The following NSD1 variants were observed in gnomAD, a reference collection of about 807,000 sequenced individuals.
The protein encoded by NSD1 is nuclear receptor binding SET domain protein 1, also known as histone-lysine N-methyltransferase, H3 lysine-36 specific.
NSD1 carries 26 observed loss-of-function variants against 242.7 expected under a neutral mutation model. That is an observed-to-expected ratio of 0.11 (90% CI 0.08 to 0.15). NSD1 has a LOEUF of 0.15. NSD1 is among the 10% of genes least tolerant of loss of function. NSD1 has a pLI of 1.00. For synonymous variants in NSD1, 1,106 were observed against 1,178.1 expected (o/e 0.94, Z 1.25); for missense variants, 2,495 against 3,272.8 (o/e 0.76, Z 5.80).
intron 14 of NSD1, chr5:177,266,567 T>A: frequency 1.5e-6 from 1 of 687,138 alleles, no homozygotes; most frequent in Non-Finnish European, 2.2e-6. Flanking sequence ...ATGATGCAGT[T>A]CACGACCTCG....
chr5:177,149,841 T>C (rs2149775191), intron 2 of NSD1, among the ~76,000 whole-genome samples: 1 of 152,292 alleles, frequency 6.6e-6, no homozygotes, highest in East Asian at 1.9e-4. Flanking sequence ...CCTAACAGGC[T>C]GAGAGGACCA....
intron 3 of NSD1, among the ~76,000 whole-genome samples, chr5:177,199,076 T>G (rs1259682619): frequency 6.6e-6 from 1 of 152,236 alleles, no homozygotes; most frequent in African/African-American, 2.4e-5. Context: ...GAAATGGTAC[T>G]TCAAGTTACC....
chr5:177,137,190 A>G (rs1756409685), intron 2 of NSD1: 1 of 341,784 alleles, frequency 2.9e-6, no homozygotes, highest in Non-Finnish European at 5.2e-6. Flanking sequence ...AAATTCCAGA[A>G]GTTCTTGATT....
chr5:177,182,947 GTTTT>G (rs201520603), intron 2 of NSD1, among the ~76,000 whole-genome samples: 1 of 151,944 alleles, frequency 6.6e-6, no homozygotes, highest in East Asian at 1.9e-4. Context: ...CTCTTTTTTT[GTTTT>G]TTTAAGTAAA....
In NSD1 at chr5:177,270,372, G is replaced by A. The variant is rs756090583; in HGVS notation, c.5509+565G>A. On this transcript the variant is annotated intron_variant, in intron 16 of 22. Coordinates refer to ENST00000439151, the MANE Select transcript of NSD1 (RefSeq NM_022455.5). Reference sequence around the variant, plus strand: ...AGGTGGTCCAATCAACTTCGAACCCGGTTTTCTCTTACCATGTAATGGAGA... The same window carrying A: ...AGGTGGTCCAATCAACTTCGAACCCAGTTTTCTCTTACCATGTAATGGAGA... 5.9e-5 allele frequency among the ~76,000 whole-genome samples: 9 copies of A among 152,098 alleles called. 1 individual carries two copies. The highest frequency in any genetic ancestry group is 1.9e-4 in the East Asian group (1 of 5,200).
intron 3 of NSD1, among the ~76,000 whole-genome samples, chr5:177,200,010 A>G (rs2149831673): frequency 6.6e-6 from 1 of 152,334 alleles, no homozygotes; most frequent in East Asian, 1.9e-4. Context: ...CGTTTCCACT[A>G]GGAATGCATT....
chr5:177,137,202 C>G, intron 2 of NSD1: 1 of 325,778 alleles, frequency 3.1e-6, no homozygotes, highest in Middle Eastern at 8.3e-4. Context: ...TTCTTGATTG[C>G]TATAAGATTC....
intron 12 of NSD1, among the ~76,000 whole-genome samples, chr5:177,256,651 C>T (rs142411915): frequency 8.5e-5 from 13 of 152,334 alleles, no homozygotes; most frequent in Non-Finnish European, 1.3e-4. Context: ...TCCATATTTC[C>T]TGTAAACTTG....
At chr5:177,220,875 T>C (rs1481393728) in intron 5 of NSD1, 5 of 331,978 alleles carry the variant, frequency 1.5e-5, no homozygotes, top group Admixed American at 8.5e-5. Context: ...TCGGCCTCTT[T>C]TTTTATGGAG....
chr5:177,220,839 G>A (rs979661767), intron 5 of NSD1, among the ~76,000 whole-genome samples: 5 of 151,884 alleles, frequency 3.3e-5, no homozygotes, highest in African/African-American at 1.2e-4. Context: ...TCAAAGTGCT[G>A]GGATTATGGT....
At chr5:177,271,608 G>T (rs1168600389) in intron 16 of NSD1, among the ~76,000 whole-genome samples, 5 of 152,162 alleles carry the variant, frequency 3.3e-5, no homozygotes, top group African/African-American at 1.2e-4. Context: ...CATCACATGT[G>T]AAAGCACGTG....
intron 13 of NSD1, among the ~76,000 whole-genome samples, 165 bp downstream of exon 13, chr5:177,257,316 C>T (rs886534524): frequency 3.3e-5 from 5 of 150,538 alleles, no homozygotes; most frequent in Non-Finnish European, 5.9e-5. Flanking sequence ...CTGCAAGCTC[C>T]GCCTCCTGGG....
chr5:177,279,968 A>G (rs1244847069), intron 17 of NSD1, among the ~76,000 whole-genome samples: 2 of 72,416 alleles, frequency 2.8e-5, no homozygotes, highest in Non-Finnish European at 8.5e-5. Flanking sequence ...TTCATATTTT[A>G]TTTTATTTTA....
chr5:177,209,341 A>G (rs774765067), intron 4 of NSD1, among the ~76,000 whole-genome samples: 10 of 151,810 alleles, frequency 6.6e-5, no homozygotes, highest in Non-Finnish European at 1.5e-4. Context: ...CAGCCTGGCC[A>G]ATATGGTGAA....
chr5:177,189,341 A>G (rs1761489606), intron 2 of NSD1, among the ~76,000 whole-genome samples: 1 of 152,144 alleles, frequency 6.6e-6, no homozygotes, highest in African/African-American at 2.4e-5. Context: ...TATTGTCTTT[A>G]CCTGATACCA....
At chr5:177,283,692 A>T in intron 19 of NSD1, 95 bp from the exon 20 acceptor site, 1 of 1,413,318 alleles carries the variant, frequency 7.1e-7, no homozygotes, top group Non-Finnish European at 1.0e-6. Flanking sequence ...AGTCTTTACA[A>T]ATAGAAACTC....
chr5:177,155,755 C>T (rs767252994), intron 2 of NSD1, among the ~76,000 whole-genome samples: 1 of 152,006 alleles, frequency 6.6e-6, no homozygotes, highest in Admixed American at 6.6e-5. Context: ...GACACAATCT[C>T]GGTTCACTGC....
rs1763212899 is a variant in NSD1, at chr5:177,210,092, C to T, written c.1693C>T (p.Pro565Ser). ...ANSLTGSNTA[P>S]GSFLFSSCGK... ...TAGCCTCACAGGGTCCAACACTGCC[C>T]CAGGAAGTTTTCTGTTTTCTTCCTG... Residue 565 changes from proline to serine, a missense_variant, in exon 5 of 23, where the codon CCA becomes TCA. Physicochemically the swap from Pro to Ser is moderately conservative, Grantham distance 74. Around this residue, in one of 19 missense-constraint regions of NSD1, gnomAD observed 515 missense variants for 467.0 expected, o/e 1.10. Coordinates refer to ENST00000439151, the MANE Select transcript of NSD1 (RefSeq NM_022455.5). 1 of 1,613,476 alleles carries T rather than the reference C, an allele frequency of 6.2e-7. No individual in the cohort carries two copies. The highest frequency in any genetic ancestry group is 8.5e-7 in the Non-Finnish European group (1 of 1,179,796).
At chr5:177,169,037 G>T (rs143799373) in intron 2 of NSD1, among the ~76,000 whole-genome samples, 1 of 152,152 alleles carries the variant, frequency 6.6e-6, no homozygotes, top group Admixed American at 6.6e-5. Context: ...GACCAATGCC[G>T]GCTGCAGGCA....
Sources: allele counts gnomAD v4.1 joint callset (sites outside exome capture counted in the v4.1 genomes callset), GRCh38; gene constraint gnomAD v4.1.1; regional missense constraint gnomAD v4.1.1; transcripts MANE v1.5; gene names NCBI Gene and HGNC (gene_info 2026-07-23, HGNC 2026-07-21).